TRIQK: variants seen among roughly 807,000 people sequenced by gnomAD.
TRIQK encodes triple QxxK/R motif containing, also known as triple QxxK/R motif-containing protein.
TRIQK carries 10 observed loss-of-function variants against 10.8 expected under a neutral mutation model. The observed-to-expected ratio is 0.92, with a 90% CI of 0.57 to 1.57. TRIQK has a LOEUF of 1.57. Among genes scored for constraint, TRIQK ranks in the 40% most tolerant of loss-of-function variants. The pLI is 0.00. For synonymous variants in TRIQK, 33 were observed against 33.7 expected (o/e 0.98, Z 0.07); for missense variants, 107 against 97.7 (o/e 1.09, Z -0.40).
intron 3 of TRIQK, among the ~76,000 whole-genome samples, chr8:92,903,246 T>G (rs929394080): frequency 6.6e-6 from 1 of 152,190 alleles, no homozygotes; most frequent in Non-Finnish European, 1.5e-5. Flanking sequence ...TTGACTTTGC[T>G]AGTTATTGTT....
intron 2 of TRIQK, among the ~76,000 whole-genome samples, chr8:92,944,545 C>T (rs942394383): frequency 9.2e-5 from 14 of 152,026 alleles, no homozygotes; most frequent in Admixed American, 3.3e-4. Flanking sequence ...AGAATGAAAT[C>T]CTGGCACTCA....
At chr8:92,923,416 C>A (rs1810285734) in intron 2 of TRIQK, among the ~76,000 whole-genome samples, 1 of 151,682 alleles carries the variant, frequency 6.6e-6, no homozygotes, top group Non-Finnish European at 1.5e-5. Flanking sequence ...CAATTTAATT[C>A]CTTGGAGATT....
chr8:93,001,669 G>A (rs977185901), intron 1 of TRIQK, among the ~76,000 whole-genome samples: 1 of 152,180 alleles, frequency 6.6e-6, no homozygotes, highest in African/African-American at 2.4e-5. Flanking sequence ...GGGAGATATA[G>A]AGTGTAATAG....
chr8:92,947,421 A>C (rs1811602948), intron 2 of TRIQK, among the ~76,000 whole-genome samples: 2 of 151,544 alleles, frequency 1.3e-5, no homozygotes, highest in African/African-American at 4.8e-5. Context: ...TGTCTCTACT[A>C]AAAATACAAA....
chr8:92,991,458 G>T (rs1813095786), intron 1 of TRIQK, among the ~76,000 whole-genome samples: 1 of 152,096 alleles, frequency 6.6e-6, no homozygotes, highest in African/African-American at 2.4e-5. Context: ...CTCCTGACTG[G>T]GAGACACCTT....
intron 1 of TRIQK, among the ~76,000 whole-genome samples, chr8:92,959,682 A>AC (rs1812353376): frequency 6.6e-6 from 1 of 152,242 alleles, no homozygotes; most frequent in Non-Finnish European, 1.5e-5. Flanking sequence ...TGCATTTAAT[A>AC]CCCCAATAAA....
At position 92,916,949 on chromosome 8, in the gene TRIQK, T is replaced by A. The variant is rs1030518973; in HGVS notation, c.41A>T (p.Asp14Val). 5 of 1,505,386 alleles carry A rather than the reference T, an allele frequency of 3.3e-6. No homozygotes were observed. The African/African-American group carries it at 7.0e-5, about 21-fold the overall frequency. 93.3% of individuals were successfully genotyped at this position (1,505,386 alleles called of 1,614,324 possible). A position where few individuals can be genotyped will look rare whatever the true frequency, so the allele number is the denominator to read the frequency against. ...KDAATIKLPV[D>V]QYRKQIGKQD... ...CTTACCAATTTGTTTTCTGTACTGA[T>A]CAACAGGAAGTTTTATAGTAGCAGC... Residue 14 changes from aspartate to valine, a missense_variant, in exon 3 of 5, where the codon GAT becomes GTT. Asp to Val is a radical substitution (Grantham distance 152, BLOSUM62 -3). Transcript: ENST00000521988.
At chr8:92,903,741 CAAT>C (rs1809086363) in intron 3 of TRIQK, among the ~76,000 whole-genome samples, 2 of 151,934 alleles carry the variant, frequency 1.3e-5, no homozygotes, top group South Asian at 4.1e-4. Flanking sequence ...AAATTTTTCT[CAAT>C]AGTATGTCAT....
intron 1 of TRIQK, among the ~76,000 whole-genome samples, chr8:93,017,110 GGAGAGAGA>G (rs3062508): frequency 0.083 from 7,650 of 92,692 alleles, 555 homozygotes; most frequent in East Asian, 0.12. Context: ...ATATATACTT[GGAGAGAGA>G]GAGAGAGAGA....
chr8:93,006,853 C>G (rs1813278275), intron 1 of TRIQK, among the ~76,000 whole-genome samples: 1 of 152,188 alleles, frequency 6.6e-6, no homozygotes, highest in Admixed American at 6.5e-5. Flanking sequence ...AAATTCTGAT[C>G]TCCCTGGGAC....
chr8:92,912,761 C>T (rs971186361), intron 3 of TRIQK, among the ~76,000 whole-genome samples: 2 of 151,644 alleles, frequency 1.3e-5, no homozygotes, highest in Non-Finnish European at 2.9e-5. Flanking sequence ...AAATATGCAA[C>T]CAAGCAAGAA....
intron 1 of TRIQK, among the ~76,000 whole-genome samples, chr8:93,008,433 G>T (rs1000733214): frequency 1.3e-5 from 2 of 152,002 alleles, no homozygotes; most frequent in East Asian, 3.9e-4. Flanking sequence ...CAATGTAGAT[G>T]ACTACATTTT....
At chr8:92,971,736 A>G (rs1812879017) in intron 1 of TRIQK, among the ~76,000 whole-genome samples, 2 of 152,216 alleles carry the variant, frequency 1.3e-5, no homozygotes, top group Non-Finnish European at 2.9e-5. Flanking sequence ...AGTAATTTAC[A>G]AACTCAATGC....
chr8:92,892,799 G>C (rs1477041295), intron 3 of TRIQK, among the ~76,000 whole-genome samples: 1 of 151,832 alleles, frequency 6.6e-6, no homozygotes, highest in Non-Finnish European at 1.5e-5. Context: ...CCAGCAAAGA[G>C]TAACAAAAGT....
chr8:92,993,172 T>TC (rs1813115549), intron 1 of TRIQK, among the ~76,000 whole-genome samples: 1 of 152,160 alleles, frequency 6.6e-6, no homozygotes, highest in Non-Finnish European at 1.5e-5. Flanking sequence ...CTGGTGCAAA[T>TC]GAAGTGAGTT....
rs1374333546 is a variant in TRIQK, at chr8:92,961,230, G to C, written c.-181+4777C>G. Reference sequence around the variant, plus strand: ...ATTTTAGCACTGAAAAAACTGTATAGATAATTTCTACATAAGCCAGTGTTT... The same window carrying C: ...ATTTTAGCACTGAAAAAACTGTATACATAATTTCTACATAAGCCAGTGTTT... On this transcript the variant is annotated intron_variant, in intron 1 of 4. Transcript: ENST00000521988. Among the ~76,000 whole-genome samples the C allele has an allele frequency of 6.6e-5, 10 of 152,200 alleles. No homozygotes were observed. In the East Asian group the frequency reaches 1.5e-3, roughly 24 times the overall value.
chr8:92,947,587 G>GAAAAAAAAAAAAAAAAAAA (rs35808197), intron 2 of TRIQK, among the ~76,000 whole-genome samples: 1 of 61,440 alleles, frequency 1.6e-5, no homozygotes, highest in Non-Finnish European at 2.9e-5. Flanking sequence ...TCCGCCTCAG[G>GAAAAAAAAAAAAAAAAAAA]AAAAAAAAAA....
At chr8:92,991,068 G>A (rs953526560) in intron 1 of TRIQK, among the ~76,000 whole-genome samples, 35 of 152,266 alleles carry the variant, frequency 2.3e-4, no homozygotes, top group Non-Finnish European at 1.2e-4. Context: ...TTGGTGGGGG[G>A]AGGGAGGTCC....
At chr8:93,004,841 C>T (rs201322406) in intron 1 of TRIQK, among the ~76,000 whole-genome samples, 2 of 152,206 alleles carry the variant, frequency 1.3e-5, no homozygotes, top group African/African-American at 4.8e-5. Context: ...ACCTTTACTC[C>T]AGTTCCCAAT....
Sources: allele counts gnomAD v4.1 joint callset (sites outside exome capture counted in the v4.1 genomes callset), GRCh38; gene constraint gnomAD v4.1.1; transcripts MANE v1.5; gene names NCBI Gene and HGNC (gene_info 2026-07-23, HGNC 2026-07-21).